NYAP2: variants seen among roughly 807,000 people sequenced by gnomAD.
NYAP2 encodes the protein neuronal tyrosine-phosphorylated phosphoinositide-3-kinase adaptor 2.
A neutral mutation model predicts 50.4 loss-of-function variants in NYAP2; 23 were observed. The ratio of observed to expected loss-of-function variants is 0.46; its 90% CI spans 0.33 to 0.65. NYAP2 has a LOEUF of 0.65. NYAP2 is among the 30% of genes least tolerant of loss of function. The probability of loss-of-function intolerance (pLI) is 0.02; values close to 1 mark genes in which losing one functional copy is unlikely to be tolerated. For synonymous variants in NYAP2, 394 were observed against 365.2 expected (o/e 1.08, Z -0.90); for missense variants, 885 against 861.0 (o/e 1.03, Z -0.35).
At chr2:225,525,126 G>A (rs1691129142) in intron 4 of NYAP2, among the ~76,000 whole-genome samples, 1 of 152,156 alleles carries the variant, frequency 6.6e-6, no homozygotes, top group Admixed American at 6.5e-5. Flanking sequence ...ATTATACACT[G>A]TCAGTTGGAA....
At chr2:225,589,330 T>G (rs1327042908) in intron 5 of NYAP2, among the ~76,000 whole-genome samples, 11 of 704 alleles carry the variant, frequency 0.016, no homozygotes, top group African/African-American at 0.11. Flanking sequence ...AAATGTTAGT[T>G]TTTTTTTTTT....
chr2:225,512,864 C>T (rs62188683), intron 3 of NYAP2, among the ~76,000 whole-genome samples: 32,389 of 90,698 alleles, frequency 0.36, 4,593 homozygotes, highest in South Asian at 0.47. Context: ...TTCCTTCCTT[C>T]CTTCCTTCCT....
chr2:225,408,385 C>T (rs540446520), intron 2 of NYAP2, among the ~76,000 whole-genome samples: 1 of 152,132 alleles, frequency 6.6e-6, no homozygotes, highest in Non-Finnish European at 1.5e-5. Flanking sequence ...CAGATTCATA[C>T]ATTTTAATTT....
At chr2:225,486,493 G>C (rs1690300634) in intron 3 of NYAP2, among the ~76,000 whole-genome samples, 1 of 152,188 alleles carries the variant, frequency 6.6e-6, no homozygotes, top group Non-Finnish European at 1.5e-5. Flanking sequence ...CGCAGGCACT[G>C]AGCCTTGCCT....
At chr2:225,432,556 A>G (rs1197530028) in intron 3 of NYAP2, among the ~76,000 whole-genome samples, 1 of 151,924 alleles carries the variant, frequency 6.6e-6, no homozygotes, top group Non-Finnish European at 1.5e-5. Flanking sequence ...ATATAAATAT[A>G]TATGGCTATA....
intron 5 of NYAP2, among the ~76,000 whole-genome samples, chr2:225,609,579 A>G (rs1465256294): frequency 1.3e-5 from 2 of 152,088 alleles, no homozygotes; most frequent in Non-Finnish European, 2.9e-5. Flanking sequence ...AAGAGGATAG[A>G]GGCTCTAGAT....
chr2:225,701,653 A>G, the NYAP2 span: 1 of 151,688 alleles, frequency 6.6e-6, no homozygotes, highest in South Asian at 2.1e-4. Context: ...AATGTGATGG[A>G]TTTATGTAAA....
chr2:225,528,632 G>A (rs1691197915), intron 4 of NYAP2, among the ~76,000 whole-genome samples: 1 of 152,222 alleles, frequency 6.6e-6, no homozygotes, highest in Non-Finnish European at 1.5e-5. Context: ...CTCATTGGGA[G>A]CTCTCTTGTT....
chr2:225,668,820 G>C, the NYAP2 span, among the ~76,000 whole-genome samples: 1 of 152,218 alleles, frequency 6.6e-6, no homozygotes, highest in East Asian at 1.9e-4. Context: ...TAGAGGGAGG[G>C]AGAGGATCTC....
the NYAP2 span, among the ~76,000 whole-genome samples, chr2:225,666,211 A>G: frequency 1.3e-5 from 2 of 152,250 alleles, no homozygotes; most frequent in South Asian, 2.1e-4. Context: ...CATGTCACCT[A>G]TGTAGCCTAC....
chr2:225,443,830 T>C (rs947885653), intron 3 of NYAP2, among the ~76,000 whole-genome samples: 1 of 152,196 alleles, frequency 6.6e-6, no homozygotes, highest in Non-Finnish European at 1.5e-5. Flanking sequence ...AGTAAAGTAG[T>C]TTTATGAGAC....
At chr2:225,631,328 A>C (rs912912620) in intron 6 of NYAP2, among the ~76,000 whole-genome samples, 13 of 152,206 alleles carry the variant, frequency 8.5e-5, no homozygotes, top group African/African-American at 3.1e-4. Context: ...CAGCATGTAA[A>C]ATCTGCCCTC....
At chr2:225,610,420 T>C (rs1340581013) in intron 5 of NYAP2, among the ~76,000 whole-genome samples, 1 of 152,154 alleles carries the variant, frequency 6.6e-6, no homozygotes, top group African/African-American at 2.4e-5. Flanking sequence ...TATTCACCCT[T>C]CATTACCTTG....
intron 2 of NYAP2, among the ~76,000 whole-genome samples, chr2:225,407,655 G>C (rs902368600): frequency 6.6e-6 from 1 of 151,964 alleles, no homozygotes; most frequent in African/African-American, 2.4e-5. Flanking sequence ...ACATCAAATA[G>C]TTGGGCTGAT....
At chr2:225,535,714 G>C (rs766593190) in intron 4 of NYAP2, among the ~76,000 whole-genome samples, 27 of 152,178 alleles carry the variant, frequency 1.8e-4, no homozygotes, top group Non-Finnish European at 2.1e-4. Context: ...AATCAAGGAG[G>C]CCAGTCAGGT....
intron 4 of NYAP2, among the ~76,000 whole-genome samples, chr2:225,579,194 T>A (rs1330963906): frequency 6.6e-6 from 1 of 151,982 alleles, no homozygotes; most frequent in Non-Finnish European, 1.5e-5. Flanking sequence ...AGCCTAATTA[T>A]CTCCCAAAGG....
At chr2:225,687,723 G>A in the NYAP2 span, among the ~76,000 whole-genome samples, 1 of 152,144 alleles carries the variant, frequency 6.6e-6, no homozygotes, top group Non-Finnish European at 1.5e-5. Context: ...GACTGTACTT[G>A]AAATAATTTG....
At chr2:225,560,295 C>A (rs1691849563) in intron 4 of NYAP2, among the ~76,000 whole-genome samples, 1 of 151,924 alleles carries the variant, frequency 6.6e-6, no homozygotes. Context: ...TTATAAGGGT[C>A]TTGTTAATTT....
chr2:225,624,307 T>C (rs930052745), intron 5 of NYAP2, among the ~76,000 whole-genome samples: 5 of 152,160 alleles, frequency 3.3e-5, no homozygotes, highest in Admixed American at 6.5e-5. Context: ...TGTACCTTGA[T>C]TGGGGACTAT....
Sources: gnomAD v4.1 joint callset for allele counts (sites outside exome capture counted in the v4.1 genomes callset) on GRCh38, gnomAD v4.1.1 for gene constraint, MANE v1.5 for transcripts, NCBI Gene and HGNC (gene_info 2026-07-23, HGNC 2026-07-21) for gene names.